SPATA16: variants seen among roughly 807,000 people sequenced by gnomAD.
The protein encoded by SPATA16 is spermatogenesis-associated protein 16.
In SPATA16, 36 loss-of-function variants were observed where a neutral mutation model predicts 63.3. The observed-to-expected ratio is 0.57, with a 90% confidence interval of 0.44 to 0.75. The LOEUF is 0.75. Ranked by LOEUF, SPATA16 falls within the 30% of genes least tolerant of loss-of-function variation. The probability of loss-of-function intolerance (pLI) is 0.00; values close to 1 mark genes in which losing one functional copy is unlikely to be tolerated. For synonymous variants in SPATA16, 203 were observed against 216.7 expected, an observed-to-expected ratio of 0.94 and a Z score of 0.56; for missense variants, 646 against 679.3, an observed-to-expected ratio of 0.95 and a Z score of 0.54.
intron 2 of SPATA16, among the ~76,000 whole-genome samples, chr3:173,055,254 A>C (rs1293048482): frequency 6.6e-6 from 1 of 152,208 alleles, no homozygotes; most frequent in Non-Finnish European, 1.5e-5. Flanking sequence ...AACAATATGG[A>C]GAAACTCAAT....
intron 6 of SPATA16, among the ~76,000 whole-genome samples, chr3:172,934,859 C>T (rs1732945039): frequency 6.6e-6 from 1 of 152,260 alleles, no homozygotes; most frequent in Non-Finnish European, 1.5e-5. Context: ...GCTATCCACT[C>T]TTTACTATTA....
At chr3:173,006,752 A>T (rs1337644168) in intron 4 of SPATA16, among the ~76,000 whole-genome samples, 1 of 152,148 alleles carries the variant, frequency 6.6e-6, no homozygotes, top group Admixed American at 6.5e-5. Context: ...AGATTTCTGA[A>T]CACCTCAATT....
At chr3:173,003,395 A>G (rs1187047605) in intron 4 of SPATA16, among the ~76,000 whole-genome samples, 2 of 152,198 alleles carry the variant, frequency 1.3e-5, no homozygotes, top group Non-Finnish European at 2.9e-5. Flanking sequence ...GAAAAATACA[A>G]ATAATTCTAA....
intron 1 of SPATA16, among the ~76,000 whole-genome samples, chr3:173,120,545 G>A (rs936510546): frequency 5.7e-4 from 86 of 152,128 alleles, no homozygotes; most frequent in African/African-American, 2.0e-3. Flanking sequence ...AAATGTACCA[G>A]AATATCTGTA....
At chr3:172,926,233 A>G (rs901882371) in intron 6 of SPATA16, among the ~76,000 whole-genome samples, 2 of 152,232 alleles carry the variant, frequency 1.3e-5, no homozygotes, top group African/African-American at 2.4e-5. Context: ...AAGCTAATTA[A>G]TTTAGTTACC....
At chr3:173,026,663 T>C (rs1581110) in intron 3 of SPATA16, among the ~76,000 whole-genome samples, 27,060 of 151,800 alleles carry the variant, frequency 0.18, 2,899 homozygotes, top group African/African-American at 0.28. Flanking sequence ...TTCCCGGCAC[T>C]ACTCATTGTA....
At chr3:172,946,553 C>T (rs545721592) in intron 6 of SPATA16, among the ~76,000 whole-genome samples, 11 of 152,074 alleles carry the variant, frequency 7.2e-5, no homozygotes, top group East Asian at 1.9e-4. Flanking sequence ...AGTAGCCAGA[C>T]AGTACTAGCC....
rs575856693 is a variant in SPATA16 at position 173,004,096 on chromosome 3, TAAGC to T, written c.848+15386_848+15389del. Among the ~76,000 whole-genome samples, 572 of 152,344 alleles carry T rather than the reference TAAGC, an allele frequency of 3.8e-3. 1 individual carries two copies. Among genetic ancestry groups the T allele is most frequent in the Non-Finnish European group, 6.9e-3 (470 of 68,024 alleles). On this transcript the variant is annotated intron_variant, in intron 4 of 10. Coordinates refer to ENST00000351008, the MANE Select transcript of SPATA16 (RefSeq NM_031955.6). The stretch of plus-strand genomic sequence containing the variant: ...ATCCAGAAACAGAACTTTTCTCTTG[TAAGC>T]AACCTTCACAATTAGTGGCATCAAG...
chr3:173,066,514 T>G (rs569381661), intron 2 of SPATA16, among the ~76,000 whole-genome samples: 37 of 152,174 alleles, frequency 2.4e-4, no homozygotes, highest in Non-Finnish European at 4.4e-4. Flanking sequence ...CATTTCCTAG[T>G]AAGCCAGGGA....
At chr3:173,080,590 A>G (rs963150826) in intron 2 of SPATA16, among the ~76,000 whole-genome samples, 3 of 152,112 alleles carry the variant, frequency 2.0e-5, no homozygotes, top group Non-Finnish European at 4.4e-5. Flanking sequence ...AATTTTATGG[A>G]CGGGGTGATC....
intron 6 of SPATA16, among the ~76,000 whole-genome samples, chr3:172,926,850 T>A (rs1732747844): frequency 6.6e-6 from 1 of 152,148 alleles, no homozygotes; most frequent in Non-Finnish European, 1.5e-5. Context: ...TTAAAATAGA[T>A]TTCTCAAACG....
At chr3:172,890,839 T>A (rs937025512) in intron 10 of SPATA16, among the ~76,000 whole-genome samples, 3 of 151,528 alleles carry the variant, frequency 2.0e-5, no homozygotes, top group Non-Finnish European at 4.4e-5. Context: ...GTACATTTTT[T>A]AAAAAGCACA....
rs182566195 is a variant in SPATA16 at position 172,896,345 on chromosome 3, C to T, written c.1588-6653G>A. Among the ~76,000 whole-genome samples, 98 of 152,254 alleles carry T rather than the reference C, an allele frequency of 6.4e-4. No homozygotes were observed. The East Asian group carries it at 0.017, about 26-fold the overall frequency. On this transcript the variant is annotated intron_variant, in intron 10 of 10. Transcript: ENST00000351008. ...ACGCCATTCTTCTGCCTCAGCCTCCCGAGTAGCTGGGACTATAGGTGCCCG... is the reference window on the plus strand; with the variant it reads ...ACGCCATTCTTCTGCCTCAGCCTCCTGAGTAGCTGGGACTATAGGTGCCCG...
intron 10 of SPATA16, among the ~76,000 whole-genome samples, chr3:172,904,978 A>G (rs1249991965): frequency 6.6e-6 from 1 of 152,142 alleles, no homozygotes; most frequent in Non-Finnish European, 1.5e-5. Context: ...CATTAGTCCC[A>G]GGAACCTGGC....
chr3:173,089,698 G>T (rs910385634), intron 2 of SPATA16, among the ~76,000 whole-genome samples: 2 of 152,142 alleles, frequency 1.3e-5, no homozygotes, highest in African/African-American at 4.8e-5. Context: ...GGTGAACCTT[G>T]TTGAGATGTG....
chr3:173,028,030 C>CT (rs1735504293), intron 3 of SPATA16, among the ~76,000 whole-genome samples: 1 of 61,992 alleles, frequency 1.6e-5, no homozygotes, highest in African/African-American at 8.3e-5. Context: ...TTCTTTCCTT[C>CT]CTTCCTTCCT....
At position 172,956,679 on chromosome 3, in the gene SPATA16, G is replaced by A; in HGVS notation, c.1079C>T (p.Thr360Ile). The A allele has an allele frequency of 6.2e-7, 1 of 1,611,018 alleles. No individual in the cohort carries two copies. The highest frequency in any genetic ancestry group is 8.5e-7 in the Non-Finnish European group (1 of 1,179,052). ...AACTTGAAGATATTGAATCTTACCT[G>A]TGTACATATACTCTGCATATGCAGG... ...THPAYAEYMY[T>I]DLQALHMLPQ... The change falls in exon 6 of 11, where the codon ACA becomes ATA. Residue 360 changes from threonine (T) to isoleucine (I), a missense_variant and splice_region_variant. Thr to Ile is a moderately conservative substitution (Grantham distance 89). Transcript: ENST00000351008.
rs368385251 is a variant in SPATA16 at position 173,117,162 on chromosome 3, C to A, written c.570G>T (p.Lys190Asn). The A allele has an allele frequency of 3.7e-6, 6 of 1,613,978 alleles. No individual in the cohort carries two copies. The highest frequency in any genetic ancestry group is 4.2e-6 in the Non-Finnish European group (5 of 1,179,974). ...ACTGTCCTGCTGCCAAGGCGTATTTCTTTTGTCTATAGCAAGAGCTGGCAT... is the reference window on the plus strand; with the variant it reads ...ACTGTCCTGCTGCCAAGGCGTATTTATTTTGTCTATAGCAAGAGCTGGCAT... ...LKDASSCYRQ[K>N]KYALAAGQFR... Residue 190 changes from lysine (K) to asparagine (N), a missense_variant, in exon 2 of 11, where the codon AAG becomes AAT. Physicochemically the swap from Lys to Asn is moderately conservative, Grantham distance 94. Transcript: ENST00000351008.
chr3:173,091,367 T>C (rs1737217381), intron 2 of SPATA16, among the ~76,000 whole-genome samples: 1 of 152,172 alleles, frequency 6.6e-6, no homozygotes, highest in African/African-American at 2.4e-5. Flanking sequence ...AGTCATTACT[T>C]GCTCTTCCAA....
Sources: gnomAD v4.1 joint callset for allele counts (sites outside exome capture counted in the v4.1 genomes callset) on GRCh38, gnomAD v4.1.1 for gene constraint, MANE v1.5 for transcripts, NCBI Gene and HGNC (gene_info 2026-07-23, HGNC 2026-07-21) for gene names.